MCTP2: variants seen among roughly 807,000 people sequenced by gnomAD.
The protein encoded by MCTP2 is multiple C2 and transmembrane domain-containing protein 2.
A neutral mutation model predicts 111.6 loss-of-function variants in MCTP2; 132 were observed. The ratio of observed to expected loss-of-function variants is 1.18; its 90% CI spans 1.03 to 1.37. MCTP2 has a LOEUF of 1.37. Ranked by LOEUF, MCTP2 falls within the 40% of genes most tolerant of loss-of-function variation. The pLI is 0.00. For synonymous variants in MCTP2, 395 were observed against 387.7 expected (o/e 1.02, Z -0.22); for missense variants, 1,183 against 1,067.9 (o/e 1.11, Z -1.50).
At chr15:94,335,323 A>G (rs1444042372) in intron 4 of MCTP2, among the ~76,000 whole-genome samples, 1 of 152,254 alleles carries the variant, frequency 6.6e-6, no homozygotes, top group South Asian at 2.1e-4. Context: ...GGAAGAAAAC[A>G]TAGCTGAATT....
chr15:94,412,451 G>T (rs1712029995), intron 17 of MCTP2, among the ~76,000 whole-genome samples: 1 of 152,090 alleles, frequency 6.6e-6, no homozygotes, highest in Admixed American at 6.6e-5. Context: ...GTTGGAACAG[G>T]TGAATTTTCC....
intron 8 of MCTP2, among the ~76,000 whole-genome samples, chr15:94,345,365 C>G (rs1009139754): frequency 5.7e-5 from 8 of 141,028 alleles, no homozygotes; most frequent in African/African-American, 1.8e-4. Context: ...TGAGCTGACT[C>G]TTGTTTTAGT....
At chr15:94,244,218 A>G (rs1314699075) in intron 1 of MCTP2, among the ~76,000 whole-genome samples, 2 of 140,736 alleles carry the variant, frequency 1.4e-5, no homozygotes, top group Admixed American at 6.9e-5. Context: ...ACACATACAT[A>G]TGTGTATATA....
chr15:94,254,317 T>C (rs1485600918), intron 1 of MCTP2, among the ~76,000 whole-genome samples: 1 of 152,174 alleles, frequency 6.6e-6, no homozygotes, highest in Non-Finnish European at 1.5e-5. Context: ...CCCAGTTACG[T>C]AGGGATGGCA....
intron 14 of MCTP2, among the ~76,000 whole-genome samples, chr15:94,390,434 C>T (rs118136925): frequency 0.012 from 1,833 of 152,140 alleles, 21 homozygotes; most frequent in Middle Eastern, 0.061. Flanking sequence ...GCAGTAGACA[C>T]GATCTTCTGA....
chr15:94,261,746 A>G (rs775769043), intron 1 of MCTP2, among the ~76,000 whole-genome samples: 1 of 152,160 alleles, frequency 6.6e-6, no homozygotes, highest in Non-Finnish European at 1.5e-5. Flanking sequence ...TAAAAGAAAT[A>G]GTTTTTTTCT....
rs1056722092 is a variant in MCTP2, at chr15:94,353,713, G to C, written c.1006-2424G>C. Among the ~76,000 whole-genome samples, 5 of 152,272 alleles carry C rather than the reference G, an allele frequency of 3.3e-5. No individual in the cohort carries two copies. In the East Asian group the frequency reaches 7.7e-4, roughly 24 times the overall value. On this transcript the variant is annotated intron_variant, in intron 8 of 22. Coordinates refer to ENST00000357742, the MANE Select transcript of MCTP2 (RefSeq NM_001385001.1). ...GGGACAGGTCATGCTTTAGCTTGTT[G>C]GTTGGCAAGTCAAACTTTAAGAAGA...
chr15:94,440,816 C>T (rs978644620), intron 18 of MCTP2, among the ~76,000 whole-genome samples: 5 of 152,172 alleles, frequency 3.3e-5, no homozygotes, highest in African/African-American at 1.2e-4. Flanking sequence ...CAGGTGCCCA[C>T]ATTTGTCTGG....
At chr15:94,243,681 G>A (rs553302568) in intron 1 of MCTP2, among the ~76,000 whole-genome samples, 2 of 146,774 alleles carry the variant, frequency 1.4e-5, no homozygotes, top group South Asian at 2.1e-4. Flanking sequence ...ACACATATAT[G>A]TATACACATA....
At chr15:94,424,318 GTTT>G (rs138054926) in intron 17 of MCTP2, among the ~76,000 whole-genome samples, 1 of 147,866 alleles carries the variant, frequency 6.8e-6, no homozygotes, top group Non-Finnish European at 1.5e-5. Context: ...TGTTTTTTGG[GTTT>G]TTTTTTTCCA....
chr15:94,478,361 GTA>G (rs1317172273), intron 22 of MCTP2, among the ~76,000 whole-genome samples: 1 of 152,200 alleles, frequency 6.6e-6, no homozygotes, highest in Non-Finnish European at 1.5e-5. Flanking sequence ...GATCCTCCGT[GTA>G]TCGCCAAGGG....
chr15:94,359,865 C>G (rs764535859), intron 10 of MCTP2, among the ~76,000 whole-genome samples: 12 of 152,132 alleles, frequency 7.9e-5, no homozygotes, highest in Admixed American at 2.6e-4. Flanking sequence ...CATCCCACCT[C>G]AGAATCCTGA....
In MCTP2 at chr15:94,356,289, G is replaced by A; in HGVS notation, c.1158G>A (p.Arg386=). 2 of 1,604,538 alleles carry A rather than the reference G, an allele frequency of 1.2e-6. No individual in the cohort carries two copies. Among genetic ancestry groups the A allele is most frequent in the African/African-American group, 1.3e-5 (1 of 74,482 alleles). The change falls in exon 9 of 23, where the codon AGG becomes AGA. Residue 386 remains arginine (R), a synonymous_variant. Transcript: ENST00000357742. ...MFVQLKLGDQ[R]YKSKTLCKSA... Reference sequence around the variant, plus strand: ...TCCAGTTAAAACTGGGAGATCAGAGGTATAAAAGTAAGGTAAGTTCCATCT... The same window carrying A: ...TCCAGTTAAAACTGGGAGATCAGAGATATAAAAGTAAGGTAAGTTCCATCT...
At position 94,397,212 on chromosome 15, in the gene MCTP2, A is replaced by G. The variant is rs187471830; in HGVS notation, c.1789-1749A>G. 1.3e-3 allele frequency among the ~76,000 whole-genome samples: 200 copies of G among 152,314 alleles called. 2 individuals carry two copies. Among genetic ancestry groups the G allele is most frequent in the Non-Finnish European group, 1.9e-3 (130 of 68,020 alleles). On this transcript the variant is annotated intron_variant, in intron 14 of 22. Coordinates refer to ENST00000357742, the MANE Select transcript of MCTP2 (RefSeq NM_001385001.1). ...CTTTGATGCCTGCTTTCATGTCCTT[A>G]GGTGGGTTCTGATTTTGCTGACACA...
intron 17 of MCTP2, among the ~76,000 whole-genome samples, chr15:94,418,309 C>T (rs113788257): frequency 2.0e-5 from 3 of 152,098 alleles, no homozygotes; most frequent in Non-Finnish European, 4.4e-5. Flanking sequence ...AGACACTTAT[C>T]GATACATTTA....
intron 17 of MCTP2, among the ~76,000 whole-genome samples, chr15:94,437,281 A>G (rs1453092484): frequency 6.6e-6 from 1 of 151,936 alleles, no homozygotes; most frequent in Non-Finnish European, 1.5e-5. Context: ...GATCTACAAA[A>G]GAATGTATTT....
intron 2 of MCTP2, 23 bp from the exon 3 acceptor site, chr15:94,314,258 AT>A (rs760055001): frequency 4.3e-5 from 67 of 1,565,120 alleles, no homozygotes; most frequent in Middle Eastern, 2.0e-4. Flanking sequence ...TGTAAAGCAG[AT>A]TTTTTTTTCT....
chr15:94,244,387 TA>T (rs2071550691), intron 1 of MCTP2, among the ~76,000 whole-genome samples: 1 of 149,872 alleles, frequency 6.7e-6, no homozygotes, highest in Non-Finnish European at 1.5e-5. Context: ...TGTATACACA[TA>T]AATATGTATA....
At chr15:94,287,364 T>C (rs1233223109) in intron 1 of MCTP2, among the ~76,000 whole-genome samples, 5 of 152,202 alleles carry the variant, frequency 3.3e-5, no homozygotes, top group Non-Finnish European at 7.3e-5. Context: ...AAATATATTG[T>C]TCTGGGAAAT....
Sources: gnomAD v4.1 joint callset for allele counts (sites outside exome capture counted in the v4.1 genomes callset) on GRCh38, gnomAD v4.1.1 for gene constraint, MANE v1.5 for transcripts, NCBI Gene and HGNC (gene_info 2026-07-23, HGNC 2026-07-21) for gene names.